MAPK10: variants seen among roughly 807,000 people sequenced by gnomAD.
The protein encoded by MAPK10 is mitogen-activated protein kinase 10, also known as JNK3 alpha protein kinase.
MAPK10 carries 25 observed loss-of-function variants against 59.3 expected under a neutral mutation model. That is an observed-to-expected ratio of 0.42 (90% CI 0.31 to 0.59). MAPK10 has a LOEUF of 0.59. Among genes scored for constraint, MAPK10 ranks in the 20% least tolerant of loss-of-function variants. The pLI is 0.15. For synonymous variants in MAPK10, 190 were observed against 200.5 expected, an observed-to-expected ratio of 0.95 and a Z score of 0.44; for missense variants, 351 against 568.9, an observed-to-expected ratio of 0.62 and a Z score of 3.90.
In MAPK10 at chr4:86,296,108, G is replaced by A. The variant is rs567163704; in HGVS notation, c.-7+58422C>T. Among the ~76,000 whole-genome samples, 105 of 150,872 alleles carry A rather than the reference G, an allele frequency of 7.0e-4. 1 individual carries two copies. The highest frequency in any genetic ancestry group is 3.4e-3 in the Middle Eastern group (1 of 290). ...GGAGAATCGCTTGAACCCGGGAGGC[G>A]GAGGTTCCAGTGAGCTGAGATTGTG... On this transcript the variant is annotated intron_variant, in intron 2 of 13. Transcript: ENST00000641462.
chr4:86,169,860 G>A (rs934086942), intron 3 of MAPK10, among the ~76,000 whole-genome samples: 2 of 152,062 alleles, frequency 1.3e-5, no homozygotes, highest in African/African-American at 4.8e-5. Context: ...ACTAACAGCG[G>A]ATCTCTCGGC....
intron 1 of MAPK10, among the ~76,000 whole-genome samples, chr4:86,474,962 C>T (rs1191236760): frequency 2.0e-5 from 3 of 152,264 alleles, no homozygotes; most frequent in Non-Finnish European, 4.4e-5. Context: ...ATGACATTAC[C>T]TTGTGAAATT....
At chr4:86,471,912 A>C (rs1318631000) in intron 1 of MAPK10, among the ~76,000 whole-genome samples, 1 of 152,208 alleles carries the variant, frequency 6.6e-6, no homozygotes, top group African/African-American at 2.4e-5. Flanking sequence ...GTTGTCTTTT[A>C]ATAAAATTAC....
intron 2 of MAPK10, among the ~76,000 whole-genome samples, chr4:86,294,079 C>T (rs749287295): frequency 1.9e-4 from 29 of 152,328 alleles, no homozygotes; most frequent in Non-Finnish European, 3.5e-4. Context: ...GATGTGTCCA[C>T]GGACATACAC....
At chr4:86,536,933 A>C (rs1758287223) in intron 1 of MAPK10, among the ~76,000 whole-genome samples, 1 of 152,198 alleles carries the variant, frequency 6.6e-6, no homozygotes, top group Non-Finnish European at 1.5e-5. Flanking sequence ...CATTTGCAGC[A>C]GGATAGGGAA....
At chr4:86,283,828 G>A (rs560209290) in intron 2 of MAPK10, among the ~76,000 whole-genome samples, 4 of 152,168 alleles carry the variant, frequency 2.6e-5, no homozygotes, top group African/African-American at 4.8e-5. Context: ...TGTATATAAA[G>A]TGTGTGAAAT....
rs1395624924 is a variant in MAPK10, at chr4:86,016,370, A to G, written c.*858T>C. On this transcript the variant is annotated 3_prime_UTR_variant, in exon 14 of 14. Transcript: ENST00000641462. ...CTTTACTGTCACAGAAAAGACTCTC[A>G]GCTTTTATTCACACCTGCCTTCAGA... The G allele has an allele frequency of 1.3e-5, 2 of 152,604 alleles. No homozygotes were observed. Among genetic ancestry groups the G allele is most frequent in the Non-Finnish European group, 2.9e-5 (2 of 68,082 alleles). The allele number at this position is 152,604 out of a possible 1,614,324, so 9.5% of individuals were successfully genotyped here.
Position 86,067,966 on chromosome 4 carries a change from A to C in MAPK10, c.803-11T>G, listed in dbSNP as rs1298441395. On this transcript the variant is annotated splice_polypyrimidine_tract_variant and intron_variant, in intron 9 of 13. Coordinates refer to ENST00000641462, the MANE Select transcript of MAPK10 (RefSeq NM_138982.4). Reference sequence around the variant, plus strand: ...TCCACTGGTCAATATCTGAGAATTGAACAGTTAAGGGAAAAAAGAAGAGCA... The same window carrying C: ...TCCACTGGTCAATATCTGAGAATTGCACAGTTAAGGGAAAAAAGAAGAGCA... The C allele has an allele frequency of 6.3e-7, 1 of 1,589,506 alleles. No homozygotes were observed. Among genetic ancestry groups the C allele is most frequent in the East Asian group, 2.2e-5 (1 of 44,756 alleles).
intron 1 of MAPK10, among the ~76,000 whole-genome samples, chr4:86,544,894 T>C (rs913596657): frequency 3.4e-4 from 52 of 151,916 alleles, no homozygotes; most frequent in African/African-American, 1.2e-3. Context: ...TTTTTTTTTT[T>C]CACTATTTCA....
chr4:86,062,161 TA>T (rs2045878494), intron 11 of MAPK10, among the ~76,000 whole-genome samples: 1 of 152,140 alleles, frequency 6.6e-6, no homozygotes, highest in African/African-American at 2.4e-5. Context: ...ACAACATGTC[TA>T]GATGTAAGAC....
At chr4:86,212,775 A>G (rs1271441570) in intron 2 of MAPK10, among the ~76,000 whole-genome samples, 2 of 152,200 alleles carry the variant, frequency 1.3e-5, no homozygotes, top group Non-Finnish European at 2.9e-5. Flanking sequence ...GATGTACGAC[A>G]GTAGTTGGAG....
intron 1 of MAPK10, among the ~76,000 whole-genome samples, chr4:86,475,502 G>A (rs777416221): frequency 7.3e-5 from 11 of 151,538 alleles, no homozygotes; most frequent in African/African-American, 2.2e-4. Flanking sequence ...TCCTTTCCTC[G>A]TAGAGACAGG....
intron 4 of MAPK10, among the ~76,000 whole-genome samples, chr4:86,133,866 G>A (rs1424315686): frequency 6.6e-6 from 1 of 152,176 alleles, no homozygotes; most frequent in Non-Finnish European, 1.5e-5. Context: ...AGCATTGGTA[G>A]TCCATAAATA....
At chr4:86,235,973 T>C (rs1370920089) in intron 2 of MAPK10, among the ~76,000 whole-genome samples, 2 of 152,178 alleles carry the variant, frequency 1.3e-5, no homozygotes, top group South Asian at 2.1e-4. Context: ...TTGGCAGGGA[T>C]AGTTCCTCTT....
At chr4:86,465,314 T>A (rs1419433228) in intron 1 of MAPK10, among the ~76,000 whole-genome samples, 2 of 152,198 alleles carry the variant, frequency 1.3e-5, no homozygotes, top group Non-Finnish European at 2.9e-5. Flanking sequence ...CCCCAGACTA[T>A]ACTAGCCAAG....
chr4:86,409,059 A>G (rs1414571583), intron 1 of MAPK10, among the ~76,000 whole-genome samples: 1 of 152,150 alleles, frequency 6.6e-6, no homozygotes. Flanking sequence ...TCTTTAATCC[A>G]TCTTGAGTTA....
chr4:86,031,324 G>T, intron 12 of MAPK10, 44 bp downstream of exon 12: 3 of 1,350,196 alleles, frequency 2.2e-6, no homozygotes, highest in Non-Finnish European at 3.2e-6. Context: ...TACTTTCTGA[G>T]TTCAATAAAA....
At chr4:86,529,422 C>T (rs1757704712) in intron 1 of MAPK10, among the ~76,000 whole-genome samples, 1 of 152,182 alleles carries the variant, frequency 6.6e-6, no homozygotes, top group Admixed American at 6.5e-5. Context: ...CCCACCTCCA[C>T]CTAGAAAGGC....
intron 3 of MAPK10, among the ~76,000 whole-genome samples, chr4:86,171,737 T>C (rs2149260882): frequency 6.6e-6 from 1 of 151,828 alleles, no homozygotes; most frequent in Non-Finnish European, 1.5e-5. Context: ...GGGATCTAAT[T>C]AAACTAAAGA....
Sources: allele counts gnomAD v4.1 joint callset (sites outside exome capture counted in the v4.1 genomes callset), GRCh38; gene constraint gnomAD v4.1.1; transcripts MANE v1.5; gene names NCBI Gene and HGNC (gene_info 2026-07-23, HGNC 2026-07-21).